LINGO2: variants seen among roughly 807,000 people sequenced by gnomAD.
The protein encoded by LINGO2 is leucine rich repeat and Ig domain containing 2, also known as leucine-rich repeat and immunoglobulin-like domain-containing nogo receptor-interacting protein 2.
A neutral mutation model predicts 30.6 loss-of-function variants in LINGO2; 14 were observed. The observed-to-expected ratio is 0.46, with a 90% confidence interval of 0.30 to 0.72. The LOEUF (loss-of-function observed/expected upper bound fraction) is 0.72. LINGO2 is among the 30% of genes least tolerant of loss of function. The pLI is 0.07. For synonymous variants in LINGO2, 317 were observed against 288.5 expected, an observed-to-expected ratio of 1.10 and a Z score of -1.00; for missense variants, 729 against 751.7, an observed-to-expected ratio of 0.97 and a Z score of 0.35.
the LINGO2 span, among the ~76,000 whole-genome samples, chr9:28,693,830 T>A: frequency 1.3e-5 from 2 of 152,116 alleles, no homozygotes; most frequent in Admixed American, 1.3e-4. Context: ...TTTTTTATAA[T>A]CCCTGAGTAA....
In LINGO2 at chr9:28,007,458, T is replaced by C. The variant is rs374403589; in HGVS notation, c.-36+4897A>G. Reference sequence around the variant, plus strand: ...AGATTACTACTCCAAAAATGAACAGTAAATCTGACTGTGAAAATGTCCTTT... The same window carrying C: ...AGATTACTACTCCAAAAATGAACAGCAAATCTGACTGTGAAAATGTCCTTT... On this transcript the variant is annotated intron_variant, in intron 5 of 5. Transcript: ENST00000379992. Among the ~76,000 whole-genome samples the C allele has an allele frequency of 1.3e-4, 20 of 152,288 alleles. No individual in the cohort carries two copies. The East Asian group carries it at 2.7e-3, about 21-fold the overall frequency.
chr9:28,000,838 G>C (rs1821912673), intron 5 of LINGO2, among the ~76,000 whole-genome samples: 1 of 152,176 alleles, frequency 6.6e-6, no homozygotes, highest in Admixed American at 6.5e-5. Flanking sequence ...AGACTCTCAA[G>C]TTGGGAGCCA....
chr9:28,989,661 C>G, the LINGO2 span, among the ~76,000 whole-genome samples: 1 of 152,198 alleles, frequency 6.6e-6, no homozygotes, highest in African/African-American at 2.4e-5. Context: ...CTCTAGAACT[C>G]TGAAATAAAA....
chr9:28,354,162 A>T (rs1413905638), intron 3 of LINGO2, among the ~76,000 whole-genome samples: 3 of 151,968 alleles, frequency 2.0e-5, no homozygotes, highest in Non-Finnish European at 4.4e-5. Context: ...TAAAAAAAAA[A>T]TGCTGTTCAC....
chr9:29,056,768 G>A, the LINGO2 span, among the ~76,000 whole-genome samples: 15 of 152,102 alleles, frequency 9.9e-5, no homozygotes, highest in African/African-American at 3.4e-4. Context: ...TTTTCTGTAA[G>A]GTAAGAGATG....
intron 2 of LINGO2, among the ~76,000 whole-genome samples, chr9:28,427,476 C>A (rs775267358): frequency 2.0e-5 from 3 of 152,112 alleles, no homozygotes; most frequent in African/African-American, 7.2e-5. Context: ...TCACCATAAT[C>A]CCATGAGGGA....
At chr9:28,021,047 A>AT (rs908331752) in intron 4 of LINGO2, among the ~76,000 whole-genome samples, 147 of 150,920 alleles carry the variant, frequency 9.7e-4, no homozygotes, top group African/African-American at 2.8e-3. Flanking sequence ...TTTTTGCTCA[A>AT]TTTTTTTTTA....
chr9:28,306,497 C>T (rs1460112935), intron 3 of LINGO2, among the ~76,000 whole-genome samples: 2 of 151,850 alleles, frequency 1.3e-5, no homozygotes, highest in African/African-American at 2.4e-5. Flanking sequence ...AAACTGACAC[C>T]CTAACATCAC....
At chr9:28,886,372 T>A in the LINGO2 span, among the ~76,000 whole-genome samples, 1 of 152,132 alleles carries the variant, frequency 6.6e-6, no homozygotes, top group African/African-American at 2.4e-5. Flanking sequence ...AGGTCTAAAA[T>A]GGTATATTCC....
chr9:28,569,349 T>TA (rs1392304288), intron 1 of LINGO2, among the ~76,000 whole-genome samples: 3 of 151,606 alleles, frequency 2.0e-5, no homozygotes, highest in Non-Finnish European at 4.4e-5. Context: ...CTGTTCATTG[T>TA]AGTGTGATTC....
chr9:28,645,513 C>T (rs1404592075), intron 1 of LINGO2, among the ~76,000 whole-genome samples: 2 of 152,014 alleles, frequency 1.3e-5, no homozygotes, highest in Non-Finnish European at 2.9e-5. Flanking sequence ...GGCAACGGGC[C>T]AAGAGCTTTT....
At chr9:28,966,432 G>C in the LINGO2 span, among the ~76,000 whole-genome samples, 1 of 152,050 alleles carries the variant, frequency 6.6e-6, no homozygotes. Flanking sequence ...AACTTTGTCA[G>C]GTAGGCAGTG....
At chr9:28,152,348 A>G (rs920933483) in intron 4 of LINGO2, among the ~76,000 whole-genome samples, 22 of 152,200 alleles carry the variant, frequency 1.4e-4, no homozygotes, top group African/African-American at 4.8e-4. Flanking sequence ...TGACCTCTGC[A>G]CACATTGGCT....
rs1441826670 is a variant in LINGO2, at chr9:28,129,072, G to A, written c.-86-116667C>T. On this transcript the variant is annotated intron_variant, in intron 4 of 5. Coordinates refer to ENST00000379992, the Ensembl canonical transcript of LINGO2. The surrounding 1 kb of genome is among the most constrained non-coding windows in gnomAD (Gnocchi z 4.0). ...CAAGTTCTTTGACTTTCGGAGTCTTGGACTTAACACCAGAGGTTTGCCAGA... is the reference window on the plus strand; with the variant it reads ...CAAGTTCTTTGACTTTCGGAGTCTTAGACTTAACACCAGAGGTTTGCCAGA... Among the ~76,000 whole-genome samples, 1 of 152,068 alleles carries A rather than the reference G, an allele frequency of 6.6e-6. No homozygotes were observed. The highest frequency in any genetic ancestry group is 1.9e-4 in the East Asian group (1 of 5,172).
intron 4 of LINGO2, among the ~76,000 whole-genome samples, chr9:28,226,639 G>GAAA (rs1477334400): frequency 3.6e-5 from 2 of 54,824 alleles, no homozygotes; most frequent in Admixed American, 2.0e-4. Flanking sequence ...AAGAAGGAAA[G>GAAA]AAGGAAAGAA....
At chr9:28,932,479 A>G in the LINGO2 span, among the ~76,000 whole-genome samples, 2 of 152,214 alleles carry the variant, frequency 1.3e-5, no homozygotes, top group Non-Finnish European at 1.5e-5. Context: ...TTGAGAACTT[A>G]TTCCACTTAA....
chr9:28,300,482 C>T (rs1824099141), intron 3 of LINGO2, among the ~76,000 whole-genome samples: 2 of 152,124 alleles, frequency 1.3e-5, no homozygotes, highest in Non-Finnish European at 2.9e-5. Flanking sequence ...AGAAACTTTA[C>T]CAATTAAAAT....
At chr9:28,370,908 C>G (rs2134567055) in intron 3 of LINGO2, among the ~76,000 whole-genome samples, 1 of 152,268 alleles carries the variant, frequency 6.6e-6, no homozygotes, top group South Asian at 2.1e-4. Flanking sequence ...ATAGTTGAAG[C>G]ATTTTTCAAT....
At chr9:28,839,408 G>C in the LINGO2 span, among the ~76,000 whole-genome samples, 1 of 152,170 alleles carries the variant, frequency 6.6e-6, no homozygotes, top group African/African-American at 2.4e-5. Context: ...AATGAGTTCA[G>C]CTCTCAGTGG....
Sources: gnomAD v4.1 joint callset for allele counts (sites outside exome capture counted in the v4.1 genomes callset) on GRCh38, gnomAD v4.1.1 for gene constraint, Gnocchi (gnomAD v3.1) non-coding constraint, MANE v1.5 for transcripts, NCBI Gene and HGNC (gene_info 2026-07-23, HGNC 2026-07-21) for gene names.